Variants in DSCAM observed in about 807,000 individuals in gnomAD.
DSCAM encodes the protein DS cell adhesion molecule.
A neutral mutation model predicts 217.7 loss-of-function variants in DSCAM; 47 were observed. That is an observed-to-expected ratio of 0.22 (90% CI 0.17 to 0.28). The LOEUF (loss-of-function observed/expected upper bound fraction) is 0.28, where lower values mean the gene tolerates loss of function less well. Ranked by LOEUF, DSCAM falls within the 10% of genes least tolerant of loss-of-function variation. The pLI, the probability that DSCAM is intolerant of heterozygous loss-of-function variation, is 1.00. For synonymous variants in DSCAM, 1,056 were observed against 1,015.3 expected, an observed-to-expected ratio of 1.04 and a Z score of -0.76; for missense variants, 2,080 against 2,618.3, an observed-to-expected ratio of 0.79 and a Z score of 4.49.
At position 40,160,026 on chromosome 21, in the gene DSCAM, A is replaced by G. The variant is rs529133337; in HGVS notation, c.3018+7192T>C. Among the ~76,000 whole-genome samples the G allele has an allele frequency of 8.3e-4, 127 of 152,352 alleles. 1 individual carries two copies. The highest frequency in any genetic ancestry group is 3.0e-3 in the African/African-American group (124 of 41,584). On this transcript the variant is annotated intron_variant, in intron 16 of 32. Transcript: ENST00000400454. ...CATTGGTGGGGTGGGCGGAATCAGC[A>G]TCTAGGATAGGGATCCAAATCGGGG...
Position 40,255,922 on chromosome 21 carries a change from C to T in DSCAM, c.2356+20175G>A, listed in dbSNP as rs78032904. 2.7e-3 allele frequency among the ~76,000 whole-genome samples: 409 copies of T among 152,252 alleles called. 1 individual carries two copies. Among genetic ancestry groups the T allele is most frequent in the South Asian group, 7.1e-3 (34 of 4,822 alleles). On this transcript the variant is annotated intron_variant, in intron 11 of 32. Coordinates refer to ENST00000400454, the MANE Select transcript of DSCAM (RefSeq NM_001389.5). ...CTCCAGTAAGAGGAGCACAGTGCTG[C>T]GGACGCTCTGACTTTGGCTTTGTGA...
chr21:40,257,181 G>A (rs2073383816), intron 11 of DSCAM, among the ~76,000 whole-genome samples: 1 of 152,056 alleles, frequency 6.6e-6, no homozygotes. Flanking sequence ...CCTCATACAG[G>A]ATACAAAACT....
At chr21:40,228,424 C>T (rs2091352574) in intron 11 of DSCAM, among the ~76,000 whole-genome samples, 1 of 152,048 alleles carries the variant, frequency 6.6e-6, no homozygotes, top group African/African-American at 2.4e-5. Flanking sequence ...TCAGTGTGGG[C>T]TTATTTTACA....
chr21:40,198,217 AG>A (rs2091035527), intron 11 of DSCAM, among the ~76,000 whole-genome samples: 1 of 152,268 alleles, frequency 6.6e-6, no homozygotes, highest in African/African-American at 2.4e-5. Flanking sequence ...TTCAAAAAGC[AG>A]GAAAAAGGTG....
At position 40,128,706 on chromosome 21, in the gene DSCAM, A is replaced by C. The variant is rs1169236765; in HGVS notation, c.3563-4378T>G. ...TCCAGCCTCATAACCAAACAAAAAA[A>C]AAAAAAAAAAAAGATCCCATATCCT... On this transcript the variant is annotated intron_variant, in intron 19 of 32. Transcript: ENST00000400454. 1.3e-4 allele frequency among the ~76,000 whole-genome samples: 20 copies of C among 151,798 alleles called. 1 individual carries two copies. The highest frequency in any genetic ancestry group is 9.7e-4 in the East Asian group (5 of 5,138).
chr21:40,102,239 A>G (rs2089761147), intron 20 of DSCAM, among the ~76,000 whole-genome samples: 1 of 152,224 alleles, frequency 6.6e-6, no homozygotes, highest in African/African-American at 2.4e-5. Flanking sequence ...AAATAAATGG[A>G]AACTTCATAT....
intron 3 of DSCAM, among the ~76,000 whole-genome samples, chr21:40,553,301 A>G (rs1365355460): frequency 6.6e-6 from 1 of 152,258 alleles, no homozygotes; most frequent in Non-Finnish European, 1.5e-5. Flanking sequence ...CATATGTAGT[A>G]TCTGAGGATC....
At chr21:40,624,915 CATA>C (rs2089579223) in intron 3 of DSCAM, among the ~76,000 whole-genome samples, 1 of 151,942 alleles carries the variant, frequency 6.6e-6, no homozygotes. Context: ...TATTTTATAA[CATA>C]AAGAAAATTC....
intron 3 of DSCAM, among the ~76,000 whole-genome samples, chr21:40,527,476 G>A (rs2076409454): frequency 6.6e-6 from 1 of 152,208 alleles, no homozygotes; most frequent in African/African-American, 2.4e-5. Flanking sequence ...CTGGACAACA[G>A]GAAACAATGA....
intron 3 of DSCAM, among the ~76,000 whole-genome samples, chr21:40,430,816 C>A (rs566025913): frequency 6.6e-6 from 1 of 152,172 alleles, no homozygotes; most frequent in East Asian, 1.9e-4. Flanking sequence ...TTGGGAAAGT[C>A]AAATGAGATA....
At chr21:40,159,681 C>T (rs944763522) in intron 16 of DSCAM, among the ~76,000 whole-genome samples, 13 of 152,262 alleles carry the variant, frequency 8.5e-5, no homozygotes, top group African/African-American at 3.1e-4. Flanking sequence ...TCCTAGCGTT[C>T]AAGGAATTAT....
At chr21:40,555,555 A>G (rs2076664292) in intron 3 of DSCAM, among the ~76,000 whole-genome samples, 1 of 152,220 alleles carries the variant, frequency 6.6e-6, no homozygotes, top group Non-Finnish European at 1.5e-5. Flanking sequence ...AAAATGACAT[A>G]TTAACTTCCT....
In DSCAM at chr21:40,124,335, G is replaced by A; in HGVS notation, c.3563-7C>T. ...CCCGCGGGAGGACCTGGAACTGGAA[G>A]AGCCGTGTGTTTAGTCACAAGGTGG... On this transcript the variant is annotated splice_polypyrimidine_tract_variant and splice_region_variant and intron_variant, in intron 19 of 32. Coordinates refer to ENST00000400454, the MANE Select transcript of DSCAM (RefSeq NM_001389.5). 1 of 1,613,604 alleles carries A rather than the reference G, an allele frequency of 6.2e-7. No homozygotes were observed. Among genetic ancestry groups the A allele is most frequent in the Non-Finnish European group, 8.5e-7 (1 of 1,179,994 alleles).
At chr21:40,652,940 G>T (rs1195324305) in intron 3 of DSCAM, among the ~76,000 whole-genome samples, 1 of 152,124 alleles carries the variant, frequency 6.6e-6, no homozygotes, top group African/African-American at 2.4e-5. Flanking sequence ...CACTCTATGT[G>T]ACTAACCCCT....
chr21:40,600,577 T>C (rs1325425481), intron 3 of DSCAM, among the ~76,000 whole-genome samples: 1 of 152,208 alleles, frequency 6.6e-6, no homozygotes, highest in Non-Finnish European at 1.5e-5. Context: ...TTTGCGGTTG[T>C]ATCTAAAAAG....
At chr21:40,286,709 G>A (rs1041163689) in intron 10 of DSCAM, among the ~76,000 whole-genome samples, 5 of 152,030 alleles carry the variant, frequency 3.3e-5, no homozygotes, top group Admixed American at 2.0e-4. Flanking sequence ...GATCTGCAGT[G>A]TCATCTGCAG....
At chr21:40,495,429 G>A (rs62225512) in intron 3 of DSCAM, among the ~76,000 whole-genome samples, 13,490 of 152,172 alleles carry the variant, frequency 0.089, 700 homozygotes, top group Middle Eastern at 0.16. Context: ...CAATGAAGGG[G>A]AAAACCACGT....
intron 3 of DSCAM, among the ~76,000 whole-genome samples, chr21:40,452,648 C>T (rs1021258122): frequency 6.6e-6 from 1 of 152,042 alleles, no homozygotes; most frequent in East Asian, 1.9e-4. Flanking sequence ...CAGGATGCTA[C>T]TAGGTTATGT....
intron 3 of DSCAM, among the ~76,000 whole-genome samples, chr21:40,561,079 C>T (rs555389558): frequency 3.9e-5 from 6 of 152,326 alleles, no homozygotes; most frequent in Middle Eastern, 3.4e-3. Flanking sequence ...AAGGAAAACT[C>T]TGAAACGGCT....
Sources: allele counts gnomAD v4.1 joint callset (sites outside exome capture counted in the v4.1 genomes callset), GRCh38; gene constraint gnomAD v4.1.1; transcripts MANE v1.5; gene names NCBI Gene and HGNC (gene_info 2026-07-23, HGNC 2026-07-21).